SVEP1: variants seen among roughly 807,000 people sequenced by gnomAD.
SVEP1 encodes sushi, von Willebrand factor type A, EGF and pentraxin domain-containing protein 1.
A neutral mutation model predicts 367.3 loss-of-function variants in SVEP1; 164 were observed. The ratio of observed to expected loss-of-function variants is 0.45; its 90% CI spans 0.39 to 0.51. The LOEUF (loss-of-function observed/expected upper bound fraction) is 0.51, where lower values mean the gene tolerates loss of function less well. Among genes scored for constraint, SVEP1 ranks in the 20% least tolerant of loss-of-function variants. The pLI is 0.00. For missense variants in SVEP1, 4,117 were observed against 4,425.3 expected (o/e 0.93, Z 1.98); for synonymous variants, 1,666 against 1,611.6 (o/e 1.03, Z -0.81).
At chr9:110,518,439 A>AT (rs773682129) in intron 3 of SVEP1, among the ~76,000 whole-genome samples, 21 of 152,020 alleles carry the variant, frequency 1.4e-4, no homozygotes, top group Non-Finnish European at 2.5e-4. Context: ...AAAAAAGTAA[A>AT]TGCAGTTATA....
chr9:110,371,792 T>G (rs892606309), intron 46 of SVEP1, among the ~76,000 whole-genome samples: 5 of 152,244 alleles, frequency 3.3e-5, no homozygotes, highest in Non-Finnish European at 7.3e-5. Context: ...GTCTCTCAAA[T>G]CTGCTCTTTT....
rs748719656 is a variant in SVEP1, at chr9:110,408,778, G to A, written c.6822C>T (p.Phe2274=). The change falls in exon 38 of 48, where the codon TTC becomes TTT. Residue 2274 remains phenylalanine, a synonymous_variant. Coordinates refer to ENST00000374469, the MANE Select transcript of SVEP1 (RefSeq NM_153366.4). ...CGKPPPIQNG[F]MKGENFEVGS... is the part of the protein sequence containing the mutation. Reference sequence around the variant, plus strand: ...CTACTTCAAAGTTTTCTCCTTTCATGAAGCCATTCTGGATCGGGGGAGGTT... The same window carrying A: ...CTACTTCAAAGTTTTCTCCTTTCATAAAGCCATTCTGGATCGGGGGAGGTT... The A allele has an allele frequency of 4.3e-6, 7 of 1,613,306 alleles. No individual in the cohort carries two copies. Among genetic ancestry groups the A allele is most frequent in the African/African-American group, 1.3e-5 (1 of 74,906 alleles).
intron 35 of SVEP1, 92 bp from the exon 36 acceptor site, chr9:110,427,850 T>G (rs1317162565): frequency 6.5e-6 from 9 of 1,393,942 alleles, no homozygotes; most frequent in Non-Finnish European, 8.7e-6. Flanking sequence ...ATAAGGGACA[T>G]TTGAGGAATT....
intron 3 of SVEP1, among the ~76,000 whole-genome samples, chr9:110,526,809 G>A (rs554795299): frequency 6.6e-6 from 1 of 152,198 alleles, no homozygotes; most frequent in South Asian, 2.1e-4. Context: ...CAGTTAAACT[G>A]TGGTACATTT....
At chr9:110,520,294 A>G (rs1829860865) in intron 3 of SVEP1, among the ~76,000 whole-genome samples, 1 of 152,124 alleles carries the variant, frequency 6.6e-6, no homozygotes, top group Non-Finnish European at 1.5e-5. Flanking sequence ...CTCATCCCAA[A>G]CCAAGCAAAA....
chr9:110,537,006 A>G (rs533252475), intron 3 of SVEP1, among the ~76,000 whole-genome samples: 98 of 152,022 alleles, frequency 6.4e-4, no homozygotes, highest in African/African-American at 2.3e-3. Flanking sequence ...TTGTGTAACA[A>G]CTCCTTTTGT....
chr9:110,483,566 C>T lies in SVEP1; in HGVS notation c.2038+20G>A. 6.3e-7 allele frequency: 1 copy of T among 1,576,068 alleles called. No individual in the cohort carries two copies. Among genetic ancestry groups the T allele is most frequent in the African/African-American group, 1.4e-5 (1 of 73,228 alleles). ...GAATTCATTGCTACTATGCTGACAA[C>T]AAAGTCCTTGTCACCTCACCTGAGT... On this transcript the variant is annotated intron_variant, in intron 10 of 47. Transcript: ENST00000374469.
intron 5 of SVEP1, among the ~76,000 whole-genome samples, chr9:110,505,978 C>A (rs62573123): frequency 5.3e-5 from 8 of 152,026 alleles, no homozygotes; most frequent in Non-Finnish European, 1.2e-4. Flanking sequence ...AGTCCCCAAC[C>A]CTCTGACAGG....
In SVEP1 at chr9:110,400,864, T is replaced by C; in HGVS notation, c.9812A>G (p.Tyr3271Cys). The C allele has an allele frequency of 6.2e-7, 1 of 1,612,408 alleles. No individual in the cohort carries two copies. The highest frequency in any genetic ancestry group is 1.1e-5 in the South Asian group (1 of 90,754). ...AATTTGTTCGCTTACCTCTAGTTCATAGCCAGGCTCACACTGATAAATAAT... is the reference window on the plus strand; with the variant it reads ...AATTTGTTCGCTTACCTCTAGTTCACAGCCAGGCTCACACTGATAAATAAT... ...STIIYQCEPG[Y>C]ELEGNRERVC... The change falls in exon 40 of 48, where the codon TAT becomes TGT. Residue 3271 changes from tyrosine (Y) to cysteine (C), a missense_variant. Coordinates refer to ENST00000374469, the MANE Select transcript of SVEP1 (RefSeq NM_153366.4).
chr9:110,533,955 T>A (rs1468565909), intron 3 of SVEP1, among the ~76,000 whole-genome samples: 2 of 152,186 alleles, frequency 1.3e-5, no homozygotes, highest in Non-Finnish European at 2.9e-5. Flanking sequence ...ATGAGTGCTA[T>A]GGATGAATTG....
In SVEP1 at chr9:110,432,609, A is replaced by T. The variant is rs1240585400; in HGVS notation, c.5086T>A (p.Leu1696Met). The T allele has an allele frequency of 6.2e-7, 1 of 1,613,330 alleles. No individual in the cohort carries two copies. The highest frequency in any genetic ancestry group is 8.5e-7 in the Non-Finnish European group (1 of 1,179,582). ...ERISCGVPPP[L>M]ENGFHSADDF... ...TCGGCTGAATGGAAGCCATTCTCCAAAGGAGGTGGCACCCCACAGCTAATG... is the reference window on the plus strand; with the variant it reads ...TCGGCTGAATGGAAGCCATTCTCCATAGGAGGTGGCACCCCACAGCTAATG... The change falls in exon 31 of 48, where the codon TTG becomes ATG. Residue 1696 changes from leucine (L) to methionine (M), a missense_variant. By Grantham distance (15) the Leu-to-Met change is conservative. Around this residue, in one of 4 missense-constraint regions of SVEP1, gnomAD observed 2,174 missense variants for 2,494.3 expected, o/e 0.87. Transcript: ENST00000374469.
intron 3 of SVEP1, among the ~76,000 whole-genome samples, chr9:110,538,918 T>C (rs557113805): frequency 2.0e-5 from 3 of 152,228 alleles, no homozygotes; most frequent in African/African-American, 7.2e-5. Flanking sequence ...ATTTGATTTG[T>C]TGTTGGCAAA....
chr9:110,561,782 T>C (rs1042594647), intron 1 of SVEP1, among the ~76,000 whole-genome samples: 35 of 152,324 alleles, frequency 2.3e-4, no homozygotes, highest in African/African-American at 7.9e-4. Context: ...TCTGCAGTAA[T>C]TGAGCTTTCC....
intron 10 of SVEP1, among the ~76,000 whole-genome samples, 192 bp downstream of exon 10, chr9:110,483,392 ACT>A (rs1829227049): frequency 6.6e-6 from 1 of 152,110 alleles, no homozygotes; most frequent in Non-Finnish European, 1.5e-5. Context: ...AATTAGGAAA[ACT>A]CTCATTGATA....
At chr9:110,367,802 C>T (rs2118931349) in intron 47 of SVEP1, among the ~76,000 whole-genome samples, 1 of 152,192 alleles carries the variant, frequency 6.6e-6, no homozygotes, top group South Asian at 2.1e-4. Context: ...TTGTCCTGGC[C>T]AGGCACGGTG....
At chr9:110,465,835 A>T (rs1027804079) in intron 18 of SVEP1, 30 bp downstream of exon 18, 1 of 1,602,010 alleles carries the variant, frequency 6.2e-7, no homozygotes, top group Admixed American at 1.7e-5. Context: ...GTAGGTTTAA[A>T]GAAATATCAA....
At chr9:110,375,182 C>T (rs186183105) in intron 46 of SVEP1, among the ~76,000 whole-genome samples, 186 bp downstream of exon 46, 12 of 151,994 alleles carry the variant, frequency 7.9e-5, no homozygotes, top group South Asian at 6.2e-4. Flanking sequence ...GACCTGGAAA[C>T]GTGTTTAGGC....
rs1313952871 is a variant in SVEP1, at chr9:110,366,055, AAAGGGGTCTCCTTTATTGT to A, written c.*465_*483del. Reference sequence around the variant, plus strand: ...ATTGTATAGAAGATGGAACCAGAACAAAGGGGTCTCCTTTATTGTAAGGGGTCTCCTATGTGGTGCCAGT... The same window carrying A: ...ATTGTATAGAAGATGGAACCAGAACAAAGGGGTCTCCTATGTGGTGCCAGT... On this transcript the variant is annotated 3_prime_UTR_variant, in exon 48 of 48. Coordinates refer to ENST00000374469, the MANE Select transcript of SVEP1 (RefSeq NM_153366.4). 1.3e-5 allele frequency: 2 copies of A among 152,962 alleles called. No individual in the cohort carries two copies. Among genetic ancestry groups the A allele is most frequent in the East Asian group, 1.9e-4 (1 of 5,204 alleles). The allele number at this position is 152,962 out of a possible 1,614,324, so 9.5% of individuals were successfully genotyped here.
At chr9:110,423,312 C>T (rs925492795) in intron 36 of SVEP1, among the ~76,000 whole-genome samples, 2 of 151,568 alleles carry the variant, frequency 1.3e-5, no homozygotes, top group Non-Finnish European at 2.9e-5. Context: ...GGAAAAGATG[C>T]AAAGAACATC....
Sources: allele counts gnomAD v4.1 joint callset (sites outside exome capture counted in the v4.1 genomes callset), GRCh38; gene constraint gnomAD v4.1.1; regional missense constraint gnomAD v4.1.1; transcripts MANE v1.5; gene names NCBI Gene and HGNC (gene_info 2026-07-23, HGNC 2026-07-21).